CTDP1: variants seen among roughly 807,000 people sequenced by gnomAD.
CTDP1 encodes CTD phosphatase 1, also known as RNA polymerase II subunit A C-terminal domain phosphatase.
A neutral mutation model predicts 91.8 loss-of-function variants in CTDP1; 47 were observed. The observed-to-expected ratio is 0.51, with a 90% CI of 0.41 to 0.65. The LOEUF (loss-of-function observed/expected upper bound fraction) is 0.65. Among genes scored for constraint, CTDP1 ranks in the 30% least tolerant of loss-of-function variants. CTDP1 has a pLI of 0.00. For missense variants in CTDP1, 1,272 were observed against 1,373.7 expected (o/e 0.93, Z 1.17); for synonymous variants, 656 against 598.5 (o/e 1.10, Z -1.40).
At chr18:79,690,481 G>T (rs1430901529) in intron 1 of CTDP1, among the ~76,000 whole-genome samples, 1 of 152,228 alleles carries the variant, frequency 6.6e-6, no homozygotes, top group Non-Finnish European at 1.5e-5. Context: ...CCGCATTCAA[G>T]AATCCACAAC....
intron 1 of CTDP1, among the ~76,000 whole-genome samples, chr18:79,689,489 C>T (rs1336700357): frequency 6.7e-6 from 1 of 148,632 alleles, no homozygotes; most frequent in Non-Finnish European, 1.5e-5. Context: ...GACTTTCTGC[C>T]GTAAGAACAA....
downstream of CTDP1, chr18:79,755,621 T>A (rs2087082754): frequency 6.6e-6 from 1 of 152,288 alleles, no homozygotes; most frequent in Non-Finnish European, 1.5e-5. Context: ...CCTTCCCTCC[T>A]TCCACAGTGG....
chr18:79,704,462 CCT>C (rs2085923163), intron 4 of CTDP1, among the ~76,000 whole-genome samples: 1 of 151,712 alleles, frequency 6.6e-6, no homozygotes, highest in East Asian at 1.9e-4. Flanking sequence ...GCACACGTGT[CCT>C]CTGTCCCGTG....
intron 5 of CTDP1, among the ~76,000 whole-genome samples, chr18:79,707,082 G>A (rs2085981502): frequency 6.6e-6 from 1 of 152,216 alleles, no homozygotes; most frequent in Admixed American, 6.5e-5. Flanking sequence ...ATGTTTGCTG[G>A]TCAGAGCACA....
intron 12 of CTDP1, among the ~76,000 whole-genome samples, chr18:79,739,251 G>A (rs1215953596): frequency 6.6e-6 from 1 of 152,220 alleles, no homozygotes; most frequent in Non-Finnish European, 1.5e-5. Context: ...AGACCAGTCA[G>A]GGTGTTGCTG....
chr18:79,689,494 GAACA>G (rs57100089), intron 1 of CTDP1, among the ~76,000 whole-genome samples: 17,987 of 152,126 alleles, frequency 0.12, 1,460 homozygotes, highest in Non-Finnish European at 0.18. Flanking sequence ...TCTGCCGTAA[GAACA>G]AATAAGGCCA....
At chr18:79,751,542 T>C (rs186694240) in intron 12 of CTDP1, among the ~76,000 whole-genome samples, 32 of 152,322 alleles carry the variant, frequency 2.1e-4, no homozygotes, top group African/African-American at 7.5e-4. Flanking sequence ...TCTCTTGTCT[T>C]CTGTTGGTTC....
intron 1 of CTDP1, among the ~76,000 whole-genome samples, 156 bp downstream of exon 1, chr18:79,680,417 A>T (rs1166449157): frequency 2.0e-5 from 3 of 152,208 alleles, no homozygotes; most frequent in African/African-American, 7.2e-5. Context: ...CTAAAACTGG[A>T]TAGTCACCAC....
chr18:79,739,657 T>C (rs2086735294), intron 12 of CTDP1, among the ~76,000 whole-genome samples: 1 of 152,174 alleles, frequency 6.6e-6, no homozygotes, highest in South Asian at 2.1e-4. Flanking sequence ...GTAATTGCCG[T>C]TTCACTCTAT....
chr18:79,751,566 G>C (rs1167123451), intron 12 of CTDP1, among the ~76,000 whole-genome samples: 1 of 152,200 alleles, frequency 6.6e-6, no homozygotes, highest in East Asian at 1.9e-4. Flanking sequence ...CTGATCAGCT[G>C]ATTTTATTCC....
intron 3 of CTDP1, 29 bp downstream of exon 3, chr18:79,696,099 G>T (rs1405332867): frequency 1.3e-6 from 2 of 1,592,952 alleles, no homozygotes; most frequent in East Asian, 2.2e-5. Flanking sequence ...GCGGCGTGTT[G>T]GGGAAGCGTG....
chr18:79,727,863 C>A (rs553353844), intron 10 of CTDP1, among the ~76,000 whole-genome samples: 2 of 152,240 alleles, frequency 1.3e-5, no homozygotes, highest in Admixed American at 6.5e-5. Context: ...GCCGCACCAC[C>A]CCTTTCCCAG....
intron 1 of CTDP1, among the ~76,000 whole-genome samples, chr18:79,694,760 T>C (rs1355408324): frequency 6.6e-6 from 1 of 152,244 alleles, no homozygotes; most frequent in Non-Finnish European, 1.5e-5. Context: ...TAAAACAGTT[T>C]GTGTTTATAT....
At chr18:79,718,055 G>T (rs1172238718) in intron 10 of CTDP1, 39 bp downstream of exon 10, 1 of 1,606,316 alleles carries the variant, frequency 6.2e-7, no homozygotes, top group Non-Finnish European at 8.5e-7. Context: ...GCTAATGAGG[G>T]CTCTTCAAGC....
At chr18:79,677,289 A>C (rs904080505), upstream of CTDP1, 1 of 152,238 alleles carries the variant, frequency 6.6e-6, no homozygotes, top group African/African-American at 2.4e-5. Flanking sequence ...GAAACATTAA[A>C]TTTTACAGAG....
At chr18:79,733,716 C>T (rs1170468061) in intron 11 of CTDP1, among the ~76,000 whole-genome samples, 1 of 152,192 alleles carries the variant, frequency 6.6e-6, no homozygotes, top group African/African-American at 2.4e-5. Flanking sequence ...CTCTGTGTCT[C>T]TTCTTGTTTC....
rs757992276 is a variant in CTDP1, at chr18:79,714,585, T to C, written c.1125T>C (p.Asn375=). ...AGGCCCCTGGAGTGGAGCCCAGCAA[T>C]GGCCTGGAGAAGCCTGCACGGGAGC... ...VTQAPGVEPS[N]GLEKPARELN... The change falls in exon 8 of 13, where the codon AAT becomes AAC. Residue 375 remains asparagine (N), a synonymous_variant. Transcript: ENST00000613122. 11 of 1,612,964 alleles carry C rather than the reference T, an allele frequency of 6.8e-6. No homozygotes were observed. The highest frequency in any genetic ancestry group is 5.5e-5 in the South Asian group (5 of 91,078).
chr18:79,723,613 A>G (rs2086388968), intron 10 of CTDP1, among the ~76,000 whole-genome samples: 1 of 152,154 alleles, frequency 6.6e-6, no homozygotes, highest in Non-Finnish European at 1.5e-5. Context: ...TTGTAGATAT[A>G]TATGCAGTGA....
upstream of CTDP1, among the ~76,000 whole-genome samples, chr18:79,676,948 T>C (rs1333123567): frequency 6.6e-6 from 1 of 152,250 alleles, no homozygotes; most frequent in Non-Finnish European, 1.5e-5. Flanking sequence ...GAAGACTACA[T>C]GGCATCTATC....
Sources: allele counts gnomAD v4.1 joint callset (sites outside exome capture counted in the v4.1 genomes callset), GRCh38; gene constraint gnomAD v4.1.1; transcripts MANE v1.5; gene names NCBI Gene and HGNC (gene_info 2026-07-23, HGNC 2026-07-21).